Variants in CNBD1 observed in about 807,000 individuals in gnomAD.
The protein encoded by CNBD1 is cyclic nucleotide binding domain containing 1, also known as cyclic nucleotide-binding domain-containing protein 1.
In CNBD1, 71 loss-of-function variants were observed where a neutral mutation model predicts 54.4. The observed-to-expected ratio is 1.30, with a 90% CI of 1.08 to 1.59. The LOEUF is 1.59. Among genes scored for constraint, CNBD1 ranks in the 40% most tolerant of loss-of-function variants. The probability of loss-of-function intolerance (pLI) is 0.00; values close to 1 mark genes in which losing one functional copy is unlikely to be tolerated. For synonymous variants in CNBD1, 182 were observed against 170.7 expected (o/e 1.07, Z -0.51); for missense variants, 659 against 518.0 (o/e 1.27, Z -2.64).
chr8:87,306,551 A>C (rs1809152891), intron 8 of CNBD1, among the ~76,000 whole-genome samples: 2 of 152,328 alleles, frequency 1.3e-5, no homozygotes, highest in Middle Eastern at 3.4e-3. Flanking sequence ...GGAATACTGC[A>C]CAGTAGTATA....
At chr8:86,955,947 G>T (rs1346451743) in intron 4 of CNBD1, among the ~76,000 whole-genome samples, 1 of 152,006 alleles carries the variant, frequency 6.6e-6, no homozygotes, top group Non-Finnish European at 1.5e-5. Context: ...TTTCTTCTAG[G>T]GTTTTTATGG....
chr8:86,980,487 C>T (rs1197860783), intron 4 of CNBD1, among the ~76,000 whole-genome samples: 1 of 152,168 alleles, frequency 6.6e-6, no homozygotes, highest in Non-Finnish European at 1.5e-5. Context: ...TTCGAGAAAG[C>T]ATACAAAATT....
At chr8:86,959,674 TC>T (rs1301095579) in intron 4 of CNBD1, among the ~76,000 whole-genome samples, 1 of 152,216 alleles carries the variant, frequency 6.6e-6, no homozygotes, top group African/African-American at 2.4e-5. Context: ...ATCACATAGT[TC>T]TTGTGCCATG....
chr8:87,370,867 C>T (rs1009715287), intron 10 of CNBD1, among the ~76,000 whole-genome samples: 16 of 150,738 alleles, frequency 1.1e-4, no homozygotes, highest in South Asian at 2.1e-4. Context: ...TTAGGTCTAA[C>T]GTTTAAGTCT....
At chr8:87,311,030 A>T (rs1429218536) in intron 8 of CNBD1, among the ~76,000 whole-genome samples, 1 of 152,130 alleles carries the variant, frequency 6.6e-6, no homozygotes, top group Admixed American at 6.6e-5. Context: ...TATTGTGGAC[A>T]TTGGCCTTGG....
At chr8:87,374,385 G>A (rs1325752877) in intron 10 of CNBD1, among the ~76,000 whole-genome samples, 1 of 151,752 alleles carries the variant, frequency 6.6e-6, no homozygotes, top group African/African-American at 2.4e-5. Context: ...ACAGAGTTAT[G>A]CACAAATGAT....
chr8:87,131,522 C>G (rs1339013086), intron 4 of CNBD1, among the ~76,000 whole-genome samples: 3 of 151,982 alleles, frequency 2.0e-5, no homozygotes. Context: ...GTCAGATTTA[C>G]ATGTTTTTAC....
At chr8:87,228,976 G>C (rs552786477) in intron 5 of CNBD1, among the ~76,000 whole-genome samples, 25 of 152,224 alleles carry the variant, frequency 1.6e-4, no homozygotes, top group Non-Finnish European at 7.3e-5. Flanking sequence ...GAAAAGCGCG[G>C]TATTCGGGTG....
At chr8:87,330,828 G>A (rs927226481) in intron 8 of CNBD1, among the ~76,000 whole-genome samples, 1 of 152,058 alleles carries the variant, frequency 6.6e-6, no homozygotes, top group Non-Finnish European at 1.5e-5. Flanking sequence ...GTTAAAATAT[G>A]AATTAGAATT....
intron 4 of CNBD1, among the ~76,000 whole-genome samples, chr8:87,154,082 A>C (rs1171289776): frequency 6.6e-6 from 1 of 152,148 alleles, no homozygotes; most frequent in Non-Finnish European, 1.5e-5. Context: ...CTGACACCCA[A>C]ATAAGTCCAA....
chr8:86,959,785 T>C (rs1807880074), intron 4 of CNBD1, among the ~76,000 whole-genome samples: 2 of 152,178 alleles, frequency 1.3e-5, no homozygotes, highest in South Asian at 4.1e-4. Flanking sequence ...TTCCTTGCGA[T>C]GGGCTCAAAC....
intron 3 of CNBD1, among the ~76,000 whole-genome samples, chr8:86,939,118 T>A (rs1267557125): frequency 2.0e-5 from 3 of 152,140 alleles, no homozygotes; most frequent in African/African-American, 4.8e-5. Flanking sequence ...TTTAGGTGTA[T>A]AACATACCAT....
intron 10 of CNBD1, among the ~76,000 whole-genome samples, chr8:87,364,250 C>A (rs1291814076): frequency 6.6e-6 from 1 of 151,358 alleles, no homozygotes; most frequent in African/African-American, 2.4e-5. Context: ...TATATTCACA[C>A]ATCTAATGTG....
chr8:86,946,575 TAGTA>T (rs1807470893), intron 4 of CNBD1, among the ~76,000 whole-genome samples: 2 of 152,126 alleles, frequency 1.3e-5, no homozygotes, highest in Non-Finnish European at 1.5e-5. Flanking sequence ...AGAAATGTCT[TAGTA>T]AGTATTTAGT....
At chr8:87,091,618 TA>T (rs1363549787) in intron 4 of CNBD1, among the ~76,000 whole-genome samples, 1 of 152,186 alleles carries the variant, frequency 6.6e-6, no homozygotes, top group Non-Finnish European at 1.5e-5. Flanking sequence ...CCATGGATCT[TA>T]AATGTCAACC....
chr8:87,223,386 C>T (rs1009313038), intron 5 of CNBD1, among the ~76,000 whole-genome samples: 7 of 151,174 alleles, frequency 4.6e-5, no homozygotes, highest in African/African-American at 1.2e-4. Context: ...TGCTATCCCT[C>T]GCCCCTCCCC....
chr8:87,283,683 A>T, intron 6 of CNBD1, among the ~76,000 whole-genome samples: 1 of 151,944 alleles, frequency 6.6e-6, no homozygotes, highest in East Asian at 1.9e-4. Context: ...AAAGTACTGG[A>T]TGTAGTTCTT....
At chr8:86,904,501 AT>A (rs1297824021) in intron 2 of CNBD1, among the ~76,000 whole-genome samples, 1 of 152,086 alleles carries the variant, frequency 6.6e-6, no homozygotes, top group Non-Finnish European at 1.5e-5. Context: ...TGAGGAATAG[AT>A]TTAAAAAAGA....
rs1257716015 is a variant in CNBD1, at chr8:86,934,451, A to G, written c.273-5145A>G. ...GATCACGTCATCTGCAAAAAATAAC[A>G]GCTTTACTTGTCCTTTCCAATTCTT... On this transcript the variant is annotated intron_variant, in intron 3 of 10. Transcript: ENST00000518476. Among the ~76,000 whole-genome samples the G allele has an allele frequency of 2.6e-5, 4 of 152,290 alleles. No homozygotes were observed. The East Asian group carries it at 7.7e-4, about 29-fold the overall frequency.
Sources: allele counts gnomAD v4.1 joint callset (sites outside exome capture counted in the v4.1 genomes callset), GRCh38; gene constraint gnomAD v4.1.1; transcripts MANE v1.5; gene names NCBI Gene and HGNC (gene_info 2026-07-23, HGNC 2026-07-21).